Variants in KCNIP1 observed in about 807,000 individuals in gnomAD.
KCNIP1 encodes the protein A-type potassium channel modulatory protein KCNIP1.
KCNIP1 carries 18 observed loss-of-function variants against 33.0 expected under a neutral mutation model. That is an observed-to-expected ratio of 0.55 (90% CI 0.38 to 0.81). The LOEUF (loss-of-function observed/expected upper bound fraction) is 0.81, where lower values mean the gene tolerates loss of function less well. KCNIP1 is among the 30% of genes least tolerant of loss of function. KCNIP1 has a pLI of 0.00. For synonymous variants in KCNIP1, 93 were observed against 98.3 expected (o/e 0.95, Z 0.32); for missense variants, 238 against 271.6 (o/e 0.88, Z 0.87).
chr5:170,725,140 G>A (rs954918230), intron 5 of KCNIP1, among the ~76,000 whole-genome samples: 8 of 152,270 alleles, frequency 5.3e-5, no homozygotes, highest in Admixed American at 4.6e-4. Context: ...ACTAAAAGTA[G>A]AGCTACCATA....
At chr5:170,566,807 C>T (rs976393860) in intron 1 of KCNIP1, among the ~76,000 whole-genome samples, 1 of 152,152 alleles carries the variant, frequency 6.6e-6, no homozygotes, top group Admixed American at 6.5e-5. Flanking sequence ...CCCAAAGCAC[C>T]TGAGAAATTG....
intron 5 of KCNIP1, among the ~76,000 whole-genome samples, chr5:170,724,229 A>T (rs1402832822): frequency 6.6e-6 from 1 of 152,202 alleles, no homozygotes; most frequent in Non-Finnish European, 1.5e-5. Flanking sequence ...CCTACAAAAA[A>T]ATTTTAGAAA....
intron 1 of KCNIP1, among the ~76,000 whole-genome samples, chr5:170,459,782 C>T (rs1756466219): frequency 6.6e-6 from 1 of 152,012 alleles, no homozygotes; most frequent in African/African-American, 2.4e-5. Context: ...CCTCAAGGAA[C>T]TAGAGAAACA....
chr5:170,691,190 TA>T (rs1456092551), intron 1 of KCNIP1, among the ~76,000 whole-genome samples: 5 of 152,186 alleles, frequency 3.3e-5, no homozygotes, highest in African/African-American at 4.8e-5. Flanking sequence ...CCCCAAGCCA[TA>T]ACCCCTAGGA....
intron 1 of KCNIP1, among the ~76,000 whole-genome samples, chr5:170,490,186 C>T (rs913788639): frequency 6.6e-6 from 1 of 152,182 alleles, no homozygotes; most frequent in Non-Finnish European, 1.5e-5. Flanking sequence ...CATGCTCCTC[C>T]CCTGCAAAGT....
intron 1 of KCNIP1, among the ~76,000 whole-genome samples, chr5:170,543,547 T>C (rs967265015): frequency 3.9e-5 from 6 of 152,250 alleles, no homozygotes; most frequent in African/African-American, 1.4e-4. Context: ...GACAAAATCC[T>C]ATCTTAGCAC....
chr5:170,477,945 C>G (rs1045867944), intron 1 of KCNIP1, among the ~76,000 whole-genome samples: 5 of 152,128 alleles, frequency 3.3e-5, no homozygotes, highest in African/African-American at 4.8e-5. Flanking sequence ...CAAAAAAACT[C>G]CAATAGAAGT....
intron 7 of KCNIP1, among the ~76,000 whole-genome samples, chr5:170,734,155 T>C (rs1764303073): frequency 6.6e-6 from 1 of 152,016 alleles, no homozygotes; most frequent in Non-Finnish European, 1.5e-5. Context: ...AGAGGGGGTC[T>C]CTGTGAAAAT....
intron 1 of KCNIP1, among the ~76,000 whole-genome samples, chr5:170,359,511 G>T (rs1763443965): frequency 6.6e-6 from 1 of 152,164 alleles, no homozygotes; most frequent in Non-Finnish European, 1.5e-5. Context: ...TCACTGTCCT[G>T]GCAGTGAGGG....
chr5:170,387,204 A>G (rs1019155887), intron 1 of KCNIP1, among the ~76,000 whole-genome samples: 1 of 152,206 alleles, frequency 6.6e-6, no homozygotes, highest in African/African-American at 2.4e-5. Flanking sequence ...TTTAGGGGAA[A>G]TTTTAGCCAG....
intron 1 of KCNIP1, among the ~76,000 whole-genome samples, chr5:170,399,737 T>G (rs1028736516): frequency 6.6e-6 from 1 of 152,256 alleles, no homozygotes; most frequent in Non-Finnish European, 1.5e-5. Flanking sequence ...CAGTACTTCA[T>G]GGCCCTATAA....
chr5:170,624,473 T>G (rs1272036664), intron 1 of KCNIP1, among the ~76,000 whole-genome samples: 2 of 152,038 alleles, frequency 1.3e-5, no homozygotes, highest in African/African-American at 4.8e-5. Flanking sequence ...TATTCTCTCG[T>G]TTTCCTTCCT....
intron 3 of KCNIP1, 100 bp downstream of exon 3, chr5:170,720,490 GAGGAAGAGACAAACTC>G (rs1034012257): frequency 1.1e-6 from 1 of 941,176 alleles, no homozygotes; most frequent in African/African-American, 1.6e-5. Context: ...CTTCCTTCTC[GAGGAAGAGACAAACTC>G]AGGGCAGGAC....
intron 1 of KCNIP1, among the ~76,000 whole-genome samples, chr5:170,711,435 A>G (rs1247487954): frequency 6.6e-6 from 1 of 152,228 alleles, no homozygotes; most frequent in Admixed American, 6.5e-5. Context: ...AAATGCTACC[A>G]AAGCATTCAG....
chr5:170,456,871 A>G (rs564169403), intron 1 of KCNIP1, among the ~76,000 whole-genome samples: 155 of 152,042 alleles, frequency 1.0e-3, no homozygotes, highest in African/African-American at 3.5e-3. Context: ...GGAGTGCACC[A>G]CCATGTCCAG....
intron 1 of KCNIP1, among the ~76,000 whole-genome samples, chr5:170,633,706 GA>G (rs1180578428): frequency 2.3e-5 from 1 of 42,632 alleles, no homozygotes; most frequent in African/African-American, 1.1e-4. Context: ...AGGAGGGGGC[GA>G]GGGGGCGGGG....
At chr5:170,474,080 A>C (rs529976065) in intron 1 of KCNIP1, among the ~76,000 whole-genome samples, 1 of 152,358 alleles carries the variant, frequency 6.6e-6, no homozygotes, top group African/African-American at 2.4e-5. Context: ...CTGCAGACAC[A>C]GGAGTAGCTC....
chr5:170,394,399 C>T (rs1306603518), intron 1 of KCNIP1, among the ~76,000 whole-genome samples: 1 of 152,202 alleles, frequency 6.6e-6, no homozygotes, highest in Non-Finnish European at 1.5e-5. Context: ...CGTTCTTATT[C>T]ACTGCCGCAT....
intron 1 of KCNIP1, among the ~76,000 whole-genome samples, chr5:170,605,460 A>G (rs961163657): frequency 3.9e-5 from 6 of 152,222 alleles, no homozygotes; most frequent in Non-Finnish European, 7.3e-5. Context: ...TAACCATTTT[A>G]AAGGATGCAA....
Sources: gnomAD v4.1 joint callset for allele counts (sites outside exome capture counted in the v4.1 genomes callset) on GRCh38, gnomAD v4.1.1 for gene constraint, MANE v1.5 for transcripts, NCBI Gene and HGNC (gene_info 2026-07-23, HGNC 2026-07-21) for gene names.